Variants in WDR59 observed in about 807,000 individuals in gnomAD.
WDR59 encodes the protein GATOR2 complex protein WDR59.
WDR59 carries 100 observed loss-of-function variants against 131.2 expected under a neutral mutation model. The observed-to-expected ratio is 0.76, with a 90% CI of 0.65 to 0.90. WDR59 has a LOEUF of 0.90. Among genes scored for constraint, WDR59 ranks in the 40% least tolerant of loss-of-function variants. The probability of loss-of-function intolerance (pLI) is 0.00; values close to 1 mark genes in which losing one functional copy is unlikely to be tolerated. For missense variants in WDR59, 1,203 were observed against 1,262.2 expected (o/e 0.95, Z 0.71); for synonymous variants, 601 against 466.2 (o/e 1.29, Z -3.72).
At chr16:74,969,327 C>G (rs2033890828) in intron 1 of WDR59, among the ~76,000 whole-genome samples, 1 of 152,194 alleles carries the variant, frequency 6.6e-6, no homozygotes, top group South Asian at 2.1e-4. Context: ...GGCTGGAGTG[C>G]AATGGCACGA....
chr16:74,899,927 C>T (rs778091453), intron 18 of WDR59, among the ~76,000 whole-genome samples: 4 of 152,152 alleles, frequency 2.6e-5, no homozygotes, highest in Admixed American at 2.0e-4. Context: ...CTAAGCACAG[C>T]GGAATTCGGC....
chr16:74,927,460 C>G (rs966788492), intron 8 of WDR59, among the ~76,000 whole-genome samples: 5 of 151,790 alleles, frequency 3.3e-5, no homozygotes, highest in African/African-American at 1.2e-4. Flanking sequence ...TGGTGGCACA[C>G]GCCTGGAGTC....
chr16:74,874,845 C>T (rs1196465940), intron 25 of WDR59, among the ~76,000 whole-genome samples: 1 of 152,144 alleles, frequency 6.6e-6, no homozygotes, highest in East Asian at 1.9e-4. Flanking sequence ...CCTGCCTTGG[C>T]CTCCCAAAGT....
chr16:74,923,307 T>C (rs2030437468), intron 9 of WDR59, among the ~76,000 whole-genome samples: 1 of 152,028 alleles, frequency 6.6e-6, no homozygotes, highest in Non-Finnish European at 1.5e-5. Flanking sequence ...AAGCCAGAGT[T>C]CCTTCCACCA....
intron 2 of WDR59, among the ~76,000 whole-genome samples, chr16:74,964,916 G>A (rs1028677402): frequency 4.6e-5 from 7 of 152,116 alleles, no homozygotes; most frequent in African/African-American, 1.7e-4. Context: ...TACAAAAAAT[G>A]AGCTGGGCGT....
chr16:74,889,550 C>G, intron 21 of WDR59, 153 bp downstream of exon 21: 1 of 620,270 alleles, frequency 1.6e-6, no homozygotes, highest in Non-Finnish European at 2.8e-6. Flanking sequence ...TTGTTCTGCA[C>G]AGAAATTATT....
At chr16:74,879,217 G>A (rs1249779139) in intron 25 of WDR59, among the ~76,000 whole-genome samples, 1 of 152,134 alleles carries the variant, frequency 6.6e-6, no homozygotes, top group Non-Finnish European at 1.5e-5. Context: ...AATTAGCCGG[G>A]CATGATGGTG....
rs113041924 is a variant in WDR59 at position 74,939,887 on chromosome 16, A to G, written c.535-1621T>C. On this transcript the variant is annotated intron_variant, in intron 7 of 25. Transcript: ENST00000262144. ...TGCATACCTGCAGTCCCAGCTACTC[A>G]GCTGGGAGGATCACTTGAGTCCAGG... 5.4e-3 allele frequency among the ~76,000 whole-genome samples: 818 copies of G among 152,226 alleles called. 8 individuals carry two copies. Among genetic ancestry groups the G allele is most frequent in the African/African-American group, 0.018 (753 of 41,556 alleles).
At chr16:74,967,397 A>C (rs2033818174) in intron 1 of WDR59, among the ~76,000 whole-genome samples, 2 of 152,132 alleles carry the variant, frequency 1.3e-5, no homozygotes, top group African/African-American at 4.8e-5. Flanking sequence ...GATCTGTGTA[A>C]TCTTTCTGGG....
intron 8 of WDR59, among the ~76,000 whole-genome samples, chr16:74,924,666 C>T (rs777121315): frequency 5.3e-5 from 8 of 152,282 alleles, no homozygotes; most frequent in African/African-American, 1.2e-4. Flanking sequence ...GAGACACATA[C>T]GCTTAGAACT....
intron 8 of WDR59, among the ~76,000 whole-genome samples, chr16:74,936,896 G>C (rs1247249330): frequency 6.6e-6 from 1 of 152,094 alleles, no homozygotes; most frequent in Non-Finnish European, 1.5e-5. Flanking sequence ...AGTCACATCT[G>C]ACACATTAAA....
chr16:74,903,289 AG>A (rs1231322154), intron 18 of WDR59, among the ~76,000 whole-genome samples: 1 of 152,240 alleles, frequency 6.6e-6, no homozygotes, highest in Non-Finnish European at 1.5e-5. Flanking sequence ...AGTCTGTTTA[AG>A]CCAGACCTGC....
At chr16:74,923,849 GA>G in intron 9 of WDR59, 76 bp downstream of exon 9, 1 of 1,312,076 alleles carries the variant, frequency 7.6e-7, no homozygotes, top group Non-Finnish European at 1.1e-6. Flanking sequence ...GAAAATAAGA[GA>G]AAATGTCCCC....
chr16:74,903,895 C>T, intron 18 of WDR59, 52 bp downstream of exon 18: 1 of 1,562,392 alleles, frequency 6.4e-7, no homozygotes, highest in Non-Finnish European at 8.7e-7. Flanking sequence ...AGATGAGGAA[C>T]AAGAATCCAG....
chr16:74,961,907 G>T (rs1008402105), intron 2 of WDR59, among the ~76,000 whole-genome samples: 11 of 152,162 alleles, frequency 7.2e-5, no homozygotes, highest in African/African-American at 2.6e-4. Context: ...TTCTTCTAGG[G>T]TTTTTATAGT....
intron 6 of WDR59, among the ~76,000 whole-genome samples, chr16:74,945,767 T>C (rs556264196): frequency 1.3e-5 from 2 of 151,422 alleles, no homozygotes; most frequent in African/African-American, 2.4e-5. Context: ...CCCGGTACAG[T>C]ACAAGGAGAC....
chr16:74,946,177 T>C (rs2032625257), intron 6 of WDR59, among the ~76,000 whole-genome samples: 2 of 152,196 alleles, frequency 1.3e-5, no homozygotes, highest in Admixed American at 1.3e-4. Context: ...TTATTAGTTG[T>C]TGCTGTTAAT....
intron 7 of WDR59, among the ~76,000 whole-genome samples, chr16:74,941,144 A>C (rs1304737449): frequency 6.6e-6 from 1 of 151,490 alleles, no homozygotes; most frequent in Non-Finnish European, 1.5e-5. Flanking sequence ...CAGGAGTTCG[A>C]GGTCAGCTTC....
intron 11 of WDR59, among the ~76,000 whole-genome samples, chr16:74,917,177 G>GTAC (rs1458931553): frequency 6.6e-6 from 1 of 152,170 alleles, no homozygotes; most frequent in Non-Finnish European, 1.5e-5. Context: ...CTCATGCCAG[G>GTAC]TACTACTGTG....
Sources: allele counts gnomAD v4.1 joint callset (sites outside exome capture counted in the v4.1 genomes callset), GRCh38; gene constraint gnomAD v4.1.1; transcripts MANE v1.5; gene names NCBI Gene and HGNC (gene_info 2026-07-23, HGNC 2026-07-21).